MUC4: variants seen among roughly 807,000 people sequenced by gnomAD.
MUC4 encodes mucin-4.
A neutral mutation model predicts 257.9 loss-of-function variants in MUC4; 202 were observed. The ratio of observed to expected loss-of-function variants is 0.78; its 90% CI spans 0.70 to 0.88. MUC4 has a LOEUF of 0.88. MUC4 is among the 40% of genes least tolerant of loss of function. MUC4 has a pLI of 0.00. For synonymous variants in MUC4, 2,351 were observed against 2,757.1 expected, an observed-to-expected ratio of 0.85 and a Z score of 4.62; for missense variants, 5,976 against 6,513.7, an observed-to-expected ratio of 0.92 and a Z score of 2.84.
intron 1 of MUC4, among the ~76,000 whole-genome samples, chr3:195,807,315 A>G (rs1736100031): frequency 6.6e-6 from 1 of 152,152 alleles, no homozygotes; most frequent in African/African-American, 2.4e-5. Flanking sequence ...CTAAAAATAC[A>G]AACATTAGCC....
At chr3:195,760,810 G>T in intron 16 of MUC4, 74 bp downstream of exon 16, 1 of 1,235,016 alleles carries the variant, frequency 8.1e-7, no homozygotes, top group Non-Finnish European at 1.2e-6. Flanking sequence ...ACAGGGAAAA[G>T]CAGGGTCAGG....
chr3:195,801,637 T>C (rs1485557323), intron 1 of MUC4, among the ~76,000 whole-genome samples: 1 of 152,154 alleles, frequency 6.6e-6, no homozygotes, highest in Non-Finnish European at 1.5e-5. Context: ...GCCTCTTCTT[T>C]ACCACGCACT....
Position 195,746,886 on chromosome 3 carries a change from G to C in MUC4, c.*290C>G, listed in dbSNP as rs2641726. On this transcript the variant is annotated 3_prime_UTR_variant, in exon 25 of 25. Transcript: ENST00000463781. ...AGGGCCATCACCACATTATGAACTC[G>C]TGTGTGTGTGTGTGTGTGTGCACGC... 9.9e-6 allele frequency: 1 copy of C among 101,154 alleles called. No individual in the cohort carries two copies. The highest frequency in any genetic ancestry group is 9.9e-5 in the African/African-American group (1 of 10,146). 6.3% of individuals were successfully genotyped at this position (101,154 alleles called of 1,614,324 possible). A position where few individuals can be genotyped will look rare whatever the true frequency, so the allele number is the denominator to read the frequency against.
chr3:195,796,800 A>C (rs1734632710), intron 1 of MUC4, among the ~76,000 whole-genome samples: 1 of 152,238 alleles, frequency 6.6e-6, no homozygotes, highest in Non-Finnish European at 1.5e-5. Flanking sequence ...ATTCTATACA[A>C]ACATATTCAG....
rs1204780999 is a variant in MUC4, at chr3:195,791,466, A to G, written c.114T>C (p.Ser38=). Residue 38 remains serine, a synonymous_variant, in exon 2 of 25, where the codon AGT becomes AGC. Coordinates refer to ENST00000463781, the MANE Select transcript of MUC4 (RefSeq NM_018406.7). The stretch of plus-strand genomic sequence containing the variant: ...TTGAGGTGACTGGGGCAGCAGTTTT[A>G]CTTCCAGTTATTAATGTGTCCTCTG... ...GTTEDTLITG[S]KTAAPVTSTG... 6.2e-7 allele frequency: 1 copy of G among 1,613,846 alleles called. No individual in the cohort carries two copies. The highest frequency in any genetic ancestry group is 1.7e-5 in the Admixed American group (1 of 59,994).
intron 19 of MUC4, chr3:195,753,921 TC>T (rs1421672843): frequency 2.7e-6 from 1 of 366,610 alleles, no homozygotes; most frequent in Middle Eastern, 6.9e-4. Flanking sequence ...CGCCCGGGGC[TC>T]CCCCCATCAA....
chr3:195,768,924 T>C, intron 7 of MUC4, 98 bp downstream of exon 7: 1 of 1,462,874 alleles, frequency 6.8e-7, no homozygotes. Context: ...CCAGGAGGGT[T>C]CCCGCCTTGC....
In MUC4 at chr3:195,790,392, C is replaced by T. The variant is rs780281711; in HGVS notation, c.1188G>A (p.Met396Ile). Residue 396 changes from methionine (M) to isoleucine (I), a missense_variant, in exon 2 of 25, where the codon ATG becomes ATA. Coordinates refer to ENST00000463781, the MANE Select transcript of MUC4 (RefSeq NM_018406.7). ...TFLVTSKVFR[M>I]PTSRDSTLGN... ...CAAGAGTAGAGTCTCTGGAGGTTGG[C>T]ATTCTGAACACCTTTGATGTTACCA... 6.2e-7 allele frequency: 1 copy of T among 1,613,686 alleles called. No individual in the cohort carries two copies. The highest frequency in any genetic ancestry group is 1.1e-5 in the South Asian group (1 of 91,076).
At chr3:195,799,295 C>T (rs1014198920) in intron 1 of MUC4, among the ~76,000 whole-genome samples, 36 of 149,324 alleles carry the variant, frequency 2.4e-4, no homozygotes, top group Non-Finnish European at 1.3e-4. Flanking sequence ...CCTTATGGAA[C>T]ATTGGACATA....
intron 14 of MUC4, 126 bp downstream of exon 14, chr3:195,761,961 C>A: frequency 8.4e-7 from 1 of 1,187,966 alleles, no homozygotes; most frequent in Non-Finnish European, 1.2e-6. Context: ...GCTCTGTGCC[C>A]CAAGGGTTCT....
At position 195,792,506 on chromosome 3, in the gene MUC4, A is replaced by G. The variant is rs2149044956; in HGVS notation, c.83-1009T>C. On this transcript the variant is annotated intron_variant, in intron 1 of 24. Coordinates refer to ENST00000463781, the MANE Select transcript of MUC4 (RefSeq NM_018406.7). ...GCAGATGCTGGCAAGGCTGTGGTGA[A>G]ATAGGAACGCTTTTACACTGTTGGT... Among the ~76,000 whole-genome samples the G allele has an allele frequency of 2.0e-5, 3 of 152,376 alleles. 1 individual carries two copies. The Middle Eastern group carries it at 0.01, about 518-fold the overall frequency.
At position 195,771,677 on chromosome 3, in the gene MUC4, G is replaced by C; in HGVS notation, c.13217C>G (p.Thr4406Ser). The C allele has an allele frequency of 6.2e-7, 1 of 1,613,946 alleles. No individual in the cohort carries two copies. ...CTGATAAAATGTGGTCCCCCGACCA[G>C]TGGAGAAGTCAGCATCGTCCCAGAA... ...APFWDDADFS[T>S]GRGTTFYQEY... The change falls in exon 5 of 25, where the codon ACT becomes AGT. Residue 4406 changes from threonine (T) to serine (S), a missense_variant. Physicochemically the swap from Thr to Ser is moderately conservative, Grantham distance 58. Transcript: ENST00000463781.
intron 1 of MUC4, among the ~76,000 whole-genome samples, chr3:195,801,728 A>C (rs575563926): frequency 6.6e-6 from 1 of 151,776 alleles, no homozygotes; most frequent in African/African-American, 2.4e-5. Context: ...AACAGCAAAA[A>C]CGATTTTCTC....
chr3:195,757,121 C>A lies in MUC4; in HGVS notation c.15168+26G>T. On this transcript the variant is annotated intron_variant, in intron 18 of 24. Coordinates refer to ENST00000463781, the MANE Select transcript of MUC4 (RefSeq NM_018406.7). This position sits in a 1 kb window ranked among gnomAD's most constrained non-coding sequence, Gnocchi z 4.8. The stretch of plus-strand genomic sequence containing the variant: ...ATTTCCTCTCCCCTCGGCACAGAAA[C>A]TCCTCCCCCACCTCCCAACACTCAC... 6.3e-7 allele frequency: 1 copy of A among 1,576,772 alleles called. No individual in the cohort carries two copies. Among genetic ancestry groups the A allele is most frequent in the Non-Finnish European group, 8.7e-7 (1 of 1,152,774 alleles).
chr3:195,804,641 C>T (rs756767828), intron 1 of MUC4, among the ~76,000 whole-genome samples: 1 of 152,216 alleles, frequency 6.6e-6, no homozygotes, highest in Non-Finnish European at 1.5e-5. Context: ...GGGTGGGGCC[C>T]CTTGCCAGGC....
At chr3:195,811,138 TTATTTTA>T (rs936223596) in intron 1 of MUC4, among the ~76,000 whole-genome samples, 7 of 148,550 alleles carry the variant, frequency 4.7e-5, no homozygotes, top group African/African-American at 1.7e-4. Context: ...ATTTTTTATT[TTATTTTA>T]TATTTATTTA....
At position 195,782,648 on chromosome 3, in the gene MUC4, G is replaced by T; in HGVS notation, c.8932C>A (p.Pro2978Thr). 7.2e-7 allele frequency: 1 copy of T among 1,382,078 alleles called. No homozygotes were observed. Among genetic ancestry groups the T allele is most frequent in the Non-Finnish European group, 9.8e-7 (1 of 1,019,888 alleles). 85.6% of individuals were successfully genotyped at this position (1,382,078 alleles called of 1,614,324 possible). ...GATGCTGAGGAAGTGTCGGTGTCAG[G>T]AAGAGGGGTGGCGTGACCTGTGGAT... ...SASTGHATPL[P>T]DTDTSSASTG... Residue 2978 changes from proline to threonine, a missense_variant, in exon 2 of 25, where the codon CCT (proline) becomes ACT (threonine). By Grantham distance (38) the Pro-to-Thr change is conservative. This residue lies in a region of MUC4 where 13 missense variants were observed against 52.4 expected (regional missense o/e 0.25). Transcript: ENST00000463781.
Position 195,757,223 on chromosome 3 carries a change from G to A in MUC4, c.15092C>T (p.Thr5031Ile). ...IGLASALQPRTVVCHCNAESQ... is the reference protein window; with the variant it reads ...IGLASALQPRIVVCHCNAESQ... ...CTCTGCATTGCAATGGCAGACCACA[G>A]TCCTGGGCTGGAGTGCAGATGCCAA... Residue 5031 changes from threonine to isoleucine, a missense_variant, in exon 18 of 25, where the codon ACT (threonine) becomes ATT (isoleucine). By Grantham distance (89) the Thr-to-Ile change is moderately conservative. This residue lies in a region of MUC4 where 996 missense variants were observed against 1,137.3 expected (regional missense o/e 0.88). Coordinates refer to ENST00000463781, the MANE Select transcript of MUC4 (RefSeq NM_018406.7). The surrounding 1 kb of genome is among the most constrained non-coding windows in gnomAD (Gnocchi z 4.8). 6.2e-7 allele frequency: 1 copy of A among 1,613,726 alleles called. No homozygotes were observed. Among genetic ancestry groups the A allele is most frequent in the Non-Finnish European group, 8.5e-7 (1 of 1,179,650 alleles).
At chr3:195,753,814 C>A in intron 19 of MUC4, 1 of 212,424 alleles carries the variant, frequency 4.7e-6, no homozygotes, top group Non-Finnish European at 9.2e-6. Context: ...GATCCTGAGC[C>A]TCGTGTCTCT....
Sources: allele counts gnomAD v4.1 joint callset (sites outside exome capture counted in the v4.1 genomes callset), GRCh38; gene constraint gnomAD v4.1.1; regional missense constraint gnomAD v4.1.1; non-coding constraint Gnocchi (gnomAD v3.1); transcripts MANE v1.5; gene names NCBI Gene and HGNC (gene_info 2026-07-23, HGNC 2026-07-21).